The following PCDH11Y variants were observed in gnomAD, a reference collection of about 807,000 sequenced individuals.
The protein encoded by PCDH11Y is protocadherin-11 Y-linked.
For synonymous variants in PCDH11Y, 9 were observed against 83.6 expected (o/e 0.11, Z 4.87); for missense variants, 12 against 224.8 (o/e 0.05, Z 6.05).
At chrY:5,243,481 C>G in intron 2 of PCDH11Y, among the ~76,000 whole-genome samples, 1 of 27,878 alleles carries the variant, frequency 3.6e-5, no homozygotes, top group Non-Finnish European at 7.4e-5. Flanking sequence ...CACATACAAT[C>G]TTTCCAGGAG....
intron 2 of PCDH11Y, among the ~76,000 whole-genome samples, chrY:5,188,006 T>C: frequency 5.9e-5 from 2 of 33,797 alleles, no homozygotes; most frequent in Admixed American, 5.4e-4. Flanking sequence ...CTAAATCATC[T>C]CTTTCAAGTT....
intron 2 of PCDH11Y, among the ~76,000 whole-genome samples, chrY:5,237,714 T>C: frequency 6.0e-5 from 2 of 33,155 alleles, no homozygotes. Context: ...GATAGGCAAC[T>C]TCAGCAAAGT....
chrY:5,365,179 C>T (rs2573780), intron 2 of PCDH11Y, among the ~76,000 whole-genome samples: 4 of 32,642 alleles, frequency 1.2e-4, no homozygotes, highest in Non-Finnish European at 2.3e-4. Flanking sequence ...TATTAAAAAC[C>T]CACCAATGAA....
At chrY:5,253,436 A>G in intron 2 of PCDH11Y, among the ~76,000 whole-genome samples, 1 of 33,259 alleles carries the variant, frequency 3.0e-5, no homozygotes, top group Non-Finnish European at 7.4e-5. Flanking sequence ...AATAACAGAA[A>G]CAGCAAAGAC....
Sources: gnomAD v4.1 joint callset for allele counts (sites outside exome capture counted in the v4.1 genomes callset) on GRCh38, gnomAD v4.1.1 for gene constraint, MANE v1.5 for transcripts, NCBI Gene and HGNC (gene_info 2026-07-23, HGNC 2026-07-21) for gene names.